Variants in MGAT5 observed in about 807,000 individuals in gnomAD.
MGAT5 encodes the protein alpha-1,6-mannosylglycoprotein 6-beta-N-acetylglucosaminyltransferase.
MGAT5 carries 30 observed loss-of-function variants against 94.3 expected under a neutral mutation model. The ratio of observed to expected loss-of-function variants is 0.32; its 90% confidence interval spans 0.24 to 0.43. The LOEUF (loss-of-function observed/expected upper bound fraction) is 0.43. Ranked by LOEUF, MGAT5 falls within the 20% of genes least tolerant of loss-of-function variation. The pLI is 1.00. For missense variants in MGAT5, 691 were observed against 905.5 expected, an observed-to-expected ratio of 0.76 and a Z score of 3.04; for synonymous variants, 310 against 322.9, an observed-to-expected ratio of 0.96 and a Z score of 0.43.
chr2:134,346,396 T>G (rs1573875972), intron 8 of MGAT5, among the ~76,000 whole-genome samples: 1 of 152,282 alleles, frequency 6.6e-6, no homozygotes, highest in Middle Eastern at 3.4e-3. Flanking sequence ...TTATCTGCCT[T>G]TCTTTAATAA....
At chr2:134,410,875 G>A (rs779715798) in intron 11 of MGAT5, among the ~76,000 whole-genome samples, 4 of 152,142 alleles carry the variant, frequency 2.6e-5, no homozygotes, top group Non-Finnish European at 5.9e-5. Context: ...GCGTCTTCTG[G>A]CACTTTTCTC....
At chr2:134,229,571 T>C (rs978568431) in intron 1 of MGAT5, among the ~76,000 whole-genome samples, 2 of 152,254 alleles carry the variant, frequency 1.3e-5, no homozygotes, top group African/African-American at 4.8e-5. Flanking sequence ...GATATGCCCA[T>C]ATATGTTAAA....
At chr2:134,258,729 GCTT>G (rs558629589) in intron 1 of MGAT5, among the ~76,000 whole-genome samples, 37 of 152,302 alleles carry the variant, frequency 2.4e-4, no homozygotes, top group African/African-American at 8.4e-4. Context: ...CTCTGAAAAT[GCTT>G]CTTCTAAGTG....
chr2:134,362,096 G>T (rs538408432), intron 9 of MGAT5, among the ~76,000 whole-genome samples, 179 bp from the exon 10 acceptor site: 3 of 152,298 alleles, frequency 2.0e-5, no homozygotes, highest in Non-Finnish European at 4.4e-5. Flanking sequence ...CTTCATGACG[G>T]TTTTACTGGG....
In MGAT5 at chr2:134,396,572, A is replaced by G. The variant is rs74472644; in HGVS notation, c.1381-6416A>G. The stretch of plus-strand genomic sequence containing the variant: ...TCTTTTTATTTTGTTTTTGATTAGA[A>G]TACACACTTAGGTAGTCTTGGACTT... On this transcript the variant is annotated intron_variant, in intron 10 of 15. Transcript: ENST00000281923. Among the ~76,000 whole-genome samples the G allele has an allele frequency of 4.4e-3, 677 of 152,328 alleles. 8 individuals are homozygous for G. Among genetic ancestry groups the G allele is most frequent in the African/African-American group, 0.016 (649 of 41,560 alleles).
intron 10 of MGAT5, among the ~76,000 whole-genome samples, chr2:134,379,625 G>A (rs763202062): frequency 7.4e-4 from 112 of 152,340 alleles, no homozygotes; most frequent in Middle Eastern, 3.4e-3. Context: ...ACCAGCGAGC[G>A]ATCATGGCTG....
intron 1 of MGAT5, among the ~76,000 whole-genome samples, chr2:134,153,240 A>G (rs1321126639): frequency 1.3e-5 from 2 of 152,144 alleles, no homozygotes; most frequent in Non-Finnish European, 1.5e-5. Context: ...TTTTTAATCA[A>G]GGCCCCAAGT....
chr2:134,193,675 T>TTGTGTGTGTGTGTGTG (rs58044792), intron 1 of MGAT5, among the ~76,000 whole-genome samples: 3 of 130,808 alleles, frequency 2.3e-5, no homozygotes, highest in East Asian at 2.3e-4. Context: ...CCCCAAATCT[T>TTGTGTGTGTGTGTGTG]TGTGTGTGTG....
At chr2:134,376,648 C>A (rs1479607719) in intron 10 of MGAT5, among the ~76,000 whole-genome samples, 1 of 152,186 alleles carries the variant, frequency 6.6e-6, no homozygotes, top group Non-Finnish European at 1.5e-5. Flanking sequence ...GCTGTTGGAC[C>A]TAGGGGAGGA....
intron 1 of MGAT5, among the ~76,000 whole-genome samples, chr2:134,217,768 T>C (rs550882447): frequency 6.6e-6 from 1 of 152,348 alleles, no homozygotes; most frequent in Admixed American, 6.5e-5. Context: ...TTTGGTCCTC[T>C]TCTGAGAGAA....
chr2:134,240,141 G>T lies in MGAT5; in HGVS notation c.-142-14121G>T, dbSNP rs116194080. On this transcript the variant is annotated intron_variant, in intron 1 of 16. Transcript: ENST00000409645. Reference sequence around the variant, plus strand: ...TGACATGTTTACAGTAAACCCAATGGTGTGTTTCACCTGGCCTTTCTCTTC... The same window carrying T: ...TGACATGTTTACAGTAAACCCAATGTTGTGTTTCACCTGGCCTTTCTCTTC... Among the ~76,000 whole-genome samples the T allele has an allele frequency of 6.0e-3, 913 of 152,258 alleles. 5 individuals carry two copies. The highest frequency in any genetic ancestry group is 0.021 in the African/African-American group (880 of 41,550).
intron 10 of MGAT5, among the ~76,000 whole-genome samples, chr2:134,398,176 C>T (rs778407502): frequency 3.6e-4 from 55 of 152,260 alleles, no homozygotes; most frequent in South Asian, 2.1e-3. Context: ...TCCATATTCC[C>T]GAAAATCTGA....
intron 2 of MGAT5, among the ~76,000 whole-genome samples, chr2:134,315,634 A>G (rs1473191145): frequency 1.3e-5 from 2 of 152,174 alleles, no homozygotes; most frequent in Non-Finnish European, 2.9e-5. Context: ...GCAAATGCCA[A>G]CTTTTAAGCA....
chr2:134,156,099 C>T (rs959387748), intron 1 of MGAT5, among the ~76,000 whole-genome samples: 1 of 152,154 alleles, frequency 6.6e-6, no homozygotes, highest in African/African-American at 2.4e-5. Flanking sequence ...CAACGCAGGC[C>T]TGGCCTCTAC....
chr2:134,206,844 G>A (rs886959492), intron 1 of MGAT5, among the ~76,000 whole-genome samples: 1 of 152,206 alleles, frequency 6.6e-6, no homozygotes, highest in Non-Finnish European at 1.5e-5. Context: ...TGTCCCTAGA[G>A]CCTCTGGAGG....
intron 1 of MGAT5, among the ~76,000 whole-genome samples, chr2:134,122,589 G>GT (rs1685665142): frequency 6.6e-6 from 1 of 152,236 alleles, no homozygotes; most frequent in Non-Finnish European, 1.5e-5. Flanking sequence ...TTCACCCTTT[G>GT]TAGGGGCTGG....
chr2:134,429,553 G>A (rs192562199), intron 14 of MGAT5, among the ~76,000 whole-genome samples: 3 of 152,192 alleles, frequency 2.0e-5, no homozygotes, highest in Non-Finnish European at 2.9e-5. Flanking sequence ...GGCCTACTTC[G>A]TAGGGCTGAT....
chr2:134,193,673 C>CTT lies in MGAT5; in HGVS notation c.-142-60587_-142-60586dup, dbSNP rs1378902815. Among the ~76,000 whole-genome samples the CTT allele has an allele frequency of 9.2e-5, 11 of 119,450 alleles. No homozygotes were observed. The East Asian group carries it at 2.3e-3, about 24-fold the overall frequency. The allele number at this position is 119,450 out of a possible 152,430, so 78.4% of individuals were successfully genotyped here. A position where few individuals can be genotyped will look rare whatever the true frequency, so the allele number is the denominator to read the frequency against. The stretch of plus-strand genomic sequence containing the variant: ...CTCCCCTCTCTTACATACCCCAAAT[C>CTT]TTTGTGTGTGTGTGTGTGTGTGTGT... On this transcript the variant is annotated intron_variant, in intron 1 of 16. Coordinates refer to the MGAT5 transcript ENST00000409645.
chr2:134,128,370 TG>T (rs1167970540), intron 1 of MGAT5, among the ~76,000 whole-genome samples: 1 of 152,220 alleles, frequency 6.6e-6, no homozygotes, highest in Non-Finnish European at 1.5e-5. Flanking sequence ...GAAAGGATTT[TG>T]TTACTATGGC....
Sources: allele counts gnomAD v4.1 joint callset (sites outside exome capture counted in the v4.1 genomes callset), GRCh38; gene constraint gnomAD v4.1.1; transcripts MANE v1.5; gene names NCBI Gene and HGNC (gene_info 2026-07-23, HGNC 2026-07-21).